Variants in XYLT2 observed in about 807,000 individuals in gnomAD.
XYLT2 encodes UDP-D-xylose:proteoglycan core protein beta-D-xylosyltransferase.
In XYLT2, 37 loss-of-function variants were observed where a neutral mutation model predicts 82.6. The ratio of observed to expected loss-of-function variants is 0.45; its 90% CI spans 0.34 to 0.59. The LOEUF (loss-of-function observed/expected upper bound fraction) is 0.59. XYLT2 is among the 20% of genes least tolerant of loss of function. XYLT2 has a pLI of 0.01. For missense variants in XYLT2, 934 were observed against 1,181.3 expected (o/e 0.79, Z 3.07); for synonymous variants, 474 against 499.0 (o/e 0.95, Z 0.67).
At chr17:50,359,896 A>G in intron 10 of XYLT2, 73 bp from the exon 11 acceptor site, 2 of 1,380,606 alleles carry the variant, frequency 1.4e-6, no homozygotes, top group Non-Finnish European at 2.0e-6. Context: ...GGGTACCCAG[A>G]CCCAACTCCT....
Position 50,360,001 on chromosome 17 carries a change from C to A in XYLT2, c.2308C>A (p.His770Asn), listed in dbSNP as rs771551035. The A allele has an allele frequency of 9.9e-6, 16 of 1,611,334 alleles. No individual in the cohort carries two copies. Among genetic ancestry groups the A allele is most frequent in the Non-Finnish European group, 1.4e-5 (16 of 1,178,672 alleles). ...CAGCTGGCTGCACGCAGGGCCACCC[C>A]ACAACGAGTACATGGAGCAGAGTTT... ...DASWLHAGPP[H>N]NEYMEQSFQG... is the part of the protein sequence containing the mutation. The change falls in exon 11 of 11, where the codon CAC becomes AAC. Residue 770 changes from histidine to asparagine, a missense_variant. This residue lies in a region of XYLT2 where 374 missense variants were observed against 465.6 expected (regional missense o/e 0.80). Coordinates refer to ENST00000017003, the MANE Select transcript of XYLT2 (RefSeq NM_022167.4).
At chr17:50,351,337 G>A (rs1912260691) in intron 1 of XYLT2, among the ~76,000 whole-genome samples, 1 of 152,124 alleles carries the variant, frequency 6.6e-6, no homozygotes, top group African/African-American at 2.4e-5. Context: ...GAGGGAAAGA[G>A]AGTCAAAGAT....
intron 1 of XYLT2, among the ~76,000 whole-genome samples, chr17:50,349,276 C>G (rs540656881): frequency 6.6e-6 from 1 of 152,368 alleles, no homozygotes; most frequent in South Asian, 2.1e-4. Context: ...AGCCAGCTCA[C>G]ATGTCACCAG....
Position 50,358,303 on chromosome 17 carries a change from C to G in XYLT2, c.2038C>G (p.Arg680Gly). 6.2e-7 allele frequency: 1 copy of G among 1,613,824 alleles called. No homozygotes were observed. Among genetic ancestry groups the G allele is most frequent in the Non-Finnish European group, 8.5e-7 (1 of 1,180,040 alleles). ...DEPVAVQRWA[R>G]GPNLTATVVW... ...GCCTGTGGCCGTGCAGCGCTGGGCC[C>G]GGGGCCCCAACCTCACAGCCACAGT... is the stretch of plus-strand genomic sequence containing the variant. The change falls in exon 10 of 11, where the codon CGG (arginine) becomes GGG (glycine). Residue 680 changes from arginine to glycine, a missense_variant. Arg to Gly is a moderately radical substitution (Grantham distance 125). This residue lies in a region of XYLT2 where 374 missense variants were observed against 465.6 expected (regional missense o/e 0.80). Transcript: ENST00000017003.
In XYLT2 at chr17:50,358,446, G is replaced by A; in HGVS notation, c.2181G>A (p.Trp727Ter). 6.2e-7 allele frequency: 1 copy of A among 1,614,182 alleles called. No individual in the cohort carries two copies. Among genetic ancestry groups the A allele is most frequent in the Non-Finnish European group, 8.5e-7 (1 of 1,180,046 alleles). ...GCCGGCCCCTGCGGCCAGGGCCCTG[G>A]ACTGTTCGACTCCTTCAGTTCTGGG... ...PLSRPLRPGP[W>*]TVRLLQFWEP... is the part of the protein sequence containing the mutation. Residue 727 changes from tryptophan (W) to a stop codon, truncating the protein, a stop_gained, in exon 10 of 11, where the codon TGG becomes TGA. Coordinates refer to ENST00000017003, the MANE Select transcript of XYLT2 (RefSeq NM_022167.4). LOFTEE classifies it high-confidence loss of function.
intron 1 of XYLT2, among the ~76,000 whole-genome samples, chr17:50,351,029 G>A (rs1434247639): frequency 6.6e-6 from 1 of 152,174 alleles, no homozygotes; most frequent in Non-Finnish European, 1.5e-5. Context: ...GTGGAGAAGG[G>A]GGCATCCAGA....
chr17:50,347,036 C>A, intron 1 of XYLT2: 3 of 612,502 alleles, frequency 4.9e-6, no homozygotes, highest in South Asian at 1.4e-4. Context: ...GGGCAACCAA[C>A]AGCCGTCTCA....
chr17:50,358,663 G>T, intron 10 of XYLT2, 123 bp downstream of exon 10: 1 of 1,056,116 alleles, frequency 9.5e-7, no homozygotes, highest in South Asian at 1.7e-5. Flanking sequence ...AAGCATGGAA[G>T]GGCTGGGGCC....
rs1416551810 is a variant in XYLT2 at position 50,355,892 on chromosome 17, C to T, written c.1200C>T (p.Asp400=). The T allele has an allele frequency of 1.2e-6, 2 of 1,614,146 alleles. No homozygotes were observed. Among genetic ancestry groups the T allele is most frequent in the African/African-American group, 1.3e-5 (1 of 74,950 alleles). ...PAGIVVDGGS[D]WFVLTRSFVE... ...GCATTGTGGTGGATGGCGGTTCTGA[C>T]TGGTTCGTGCTGACACGCAGCTTTG... The change falls in exon 6 of 11, where the codon GAC becomes GAT. Residue 400 remains aspartate, a synonymous_variant. Coordinates refer to ENST00000017003, the MANE Select transcript of XYLT2 (RefSeq NM_022167.4).
chr17:50,356,623 C>A lies in XYLT2; in HGVS notation c.1595C>A (p.Ala532Asp). Reference protein sequence around the residue: ...LYGSYPPGTPALKAYWENTYD... With the variant: ...LYGSYPPGTPDLKAYWENTYD... The stretch of plus-strand genomic sequence containing the variant: ...GGCAGCTACCCCCCCGGCACGCCAG[C>A]CCTCAAGGCCTACTGGGAGAACACC... Residue 532 changes from alanine to aspartate, a missense_variant, in exon 8 of 11, where the codon GCC becomes GAC. This residue lies in a region of XYLT2 where 374 missense variants were observed against 465.6 expected (regional missense o/e 0.80). Transcript: ENST00000017003. 6.2e-7 allele frequency: 1 copy of A among 1,614,136 alleles called. No individual in the cohort carries two copies. The highest frequency in any genetic ancestry group is 1.6e-4 in the Middle Eastern group (1 of 6,062).
At position 50,360,156 on chromosome 17, in the gene XYLT2, C is replaced by T. The variant is rs147148985; in HGVS notation, c.2463C>T (p.Ser821=). The part of the protein sequence containing the change: ...WTDRELSSFW[S]VAGLCAIGPS... ...ACAGGGAACTGAGCAGCTTCTGGTC[C>T]GTGGCTGGACTGTGTGCCATAGGCC... The change falls in exon 11 of 11, where the codon TCC becomes TCT. Residue 821 remains serine (S), a synonymous_variant. Coordinates refer to ENST00000017003, the MANE Select transcript of XYLT2 (RefSeq NM_022167.4). 689 of 1,614,048 alleles carry T rather than the reference C, an allele frequency of 4.3e-4. 9 individuals carry two copies. In the African/African-American group the frequency reaches 7.4e-3, roughly 17 times the overall value.
At chr17:50,354,198 T>C in intron 2 of XYLT2, 76 bp downstream of exon 2, 7 of 1,583,720 alleles carry the variant, frequency 4.4e-6, no homozygotes, top group Non-Finnish European at 6.0e-6. Context: ...CACCCCTATC[T>C]CTCTGAGGAA....
chr17:50,355,704 G>A (rs1912490887), intron 5 of XYLT2, 77 bp from the exon 6 acceptor site: 1 of 1,589,790 alleles, frequency 6.3e-7, no homozygotes, highest in African/African-American at 1.3e-5. Context: ...GTTGAGGAGT[G>A]TTGGTTGCCA....
intron 1 of XYLT2, among the ~76,000 whole-genome samples, chr17:50,350,844 G>C (rs1269562984): frequency 6.6e-6 from 1 of 152,160 alleles, no homozygotes; most frequent in Non-Finnish European, 1.5e-5. Context: ...AATTGAAGGA[G>C]GCAAGGAGTG....
Position 50,357,123 on chromosome 17 carries a change from C to G in XYLT2, c.1812C>G (p.Tyr604Ter). 6.2e-7 allele frequency: 1 copy of G among 1,613,906 alleles called. No homozygotes were observed. Among genetic ancestry groups the G allele is most frequent in the Non-Finnish European group, 8.5e-7 (1 of 1,179,946 alleles). ...TCTATGACGACCATTTCCAGGGCTA[C>G]CTGGTGACGCAGGCGGTGCAGCCCT... ...LYFYDDHFQG[Y>*]LVTQAVQPSA... Residue 604 changes from tyrosine to a stop codon, truncating the protein, a stop_gained, in exon 9 of 11, where the codon TAC becomes TAG. Coordinates refer to ENST00000017003, the MANE Select transcript of XYLT2 (RefSeq NM_022167.4). LOFTEE classifies it high-confidence loss of function.
At chr17:50,348,906 G>A (rs1239785736) in intron 1 of XYLT2, among the ~76,000 whole-genome samples, 1 of 152,232 alleles carries the variant, frequency 6.6e-6, no homozygotes, top group Non-Finnish European at 1.5e-5. Context: ...GGCAGCCTGT[G>A]AGGGGCACAA....
At chr17:50,351,975 CAAG>C (rs1044121296) in intron 1 of XYLT2, among the ~76,000 whole-genome samples, 8 of 152,094 alleles carry the variant, frequency 5.3e-5, no homozygotes, top group African/African-American at 1.9e-4. Flanking sequence ...AAGGAAGCAC[CAAG>C]AAGACCATAA....
Position 50,346,187 on chromosome 17 carries a change from T to C in XYLT2, c.47T>C (p.Leu16Pro). The C allele has an allele frequency of 7.8e-7, 1 of 1,289,306 alleles. No homozygotes were observed. Among genetic ancestry groups the C allele is most frequent in the Non-Finnish European group, 1.0e-6 (1 of 992,158 alleles). 79.9% of individuals were successfully genotyped at this position (1,289,306 alleles called of 1,614,324 possible). ...CAGAAGCTGGTGCGGCGCTACAAGC[T>C]GGCGATTGCCACGGCGCTGGCCATC... ...RVQKLVRRYKLAIATALAILL... is the reference protein window; with the variant it reads ...RVQKLVRRYKPAIATALAILL... Residue 16 changes from leucine to proline, a missense_variant, in exon 1 of 11, where the codon CTG becomes CCG. Physicochemically the swap from Leu to Pro is moderately conservative, Grantham distance 98 (BLOSUM62 -3). Coordinates refer to ENST00000017003, the MANE Select transcript of XYLT2 (RefSeq NM_022167.4). The surrounding 1 kb of genome is among the most constrained non-coding windows in gnomAD (Gnocchi z 5.1).
At chr17:50,347,107 G>T (rs367815404) in intron 1 of XYLT2, among the ~76,000 whole-genome samples, 13 of 152,204 alleles carry the variant, frequency 8.5e-5, no homozygotes, top group Admixed American at 3.9e-4. Flanking sequence ...TTCAGCGGGA[G>T]GCTCAGACAC....
Sources: allele counts gnomAD v4.1 joint callset (sites outside exome capture counted in the v4.1 genomes callset), GRCh38; gene constraint gnomAD v4.1.1; regional missense constraint gnomAD v4.1.1; non-coding constraint Gnocchi (gnomAD v3.1); transcripts MANE v1.5; gene names NCBI Gene and HGNC (gene_info 2026-07-23, HGNC 2026-07-21).